RPS6KA1: variants seen among roughly 807,000 people sequenced by gnomAD.
The protein encoded by RPS6KA1 is ribosomal protein S6 kinase A1.
RPS6KA1 carries 48 observed loss-of-function variants against 91.3 expected under a neutral mutation model. The ratio of observed to expected loss-of-function variants is 0.53; its 90% CI spans 0.42 to 0.67. The LOEUF is 0.67. Ranked by LOEUF, RPS6KA1 falls within the 30% of genes least tolerant of loss-of-function variation. The pLI, the probability that RPS6KA1 is intolerant of heterozygous loss-of-function variation, is 0.00. For missense variants in RPS6KA1, 719 were observed against 960.5 expected (o/e 0.75, Z 3.32); for synonymous variants, 359 against 384.7 (o/e 0.93, Z 0.78).
At chr1:26,548,670 A>G (rs1570434318) in intron 4 of RPS6KA1, among the ~76,000 whole-genome samples, 1 of 152,048 alleles carries the variant, frequency 6.6e-6, no homozygotes, top group Non-Finnish European at 1.5e-5. Flanking sequence ...GCTGGTATGC[A>G]CACCTATAGT....
intron 12 of RPS6KA1, 33 bp from the exon 13 acceptor site, chr1:26,556,965 C>T (rs773272651): frequency 6.5e-7 from 1 of 1,534,948 alleles, no homozygotes; most frequent in Non-Finnish European, 9.0e-7. Context: ...TTGAGGATGC[C>T]ATGGTGACCA....
At position 26,545,034 on chromosome 1, in the gene RPS6KA1, C is replaced by T. The variant is rs531622152; in HGVS notation, c.109-1833C>T. 4.6e-5 allele frequency among the ~76,000 whole-genome samples: 7 copies of T among 152,048 alleles called. No individual in the cohort carries two copies. In the East Asian group the frequency reaches 7.7e-4, roughly 17 times the overall value. ...CCCTCCTGCTTCCCCTTGTCAGGTA[C>T]GTGTCTCCATCTGTTTTCTATTGGA... On this transcript the variant is annotated intron_variant, in intron 2 of 21. Transcript: ENST00000374168.
Position 26,557,052 on chromosome 1 carries a change from G to T in RPS6KA1, c.1036G>T (p.Asp346Tyr). The change falls in exon 13 of 22, where the codon GAT (aspartate) becomes TAT (tyrosine). Residue 346 changes from aspartate (D) to tyrosine (Y), a missense_variant. By Grantham distance (160) the Asp-to-Tyr change is radical (BLOSUM62 -3). Coordinates refer to ENST00000374168, the MANE Select transcript of RPS6KA1 (RefSeq NM_002953.4). Reference protein sequence around the residue: ...PPFKPAVAQPDDTFYFDTEFT... With the variant: ...PPFKPAVAQPYDTFYFDTEFT... ...CTTCAAGCCAGCAGTGGCTCAGCCT[G>T]ATGACACCTTCTACTTTGACACCGA... 6.2e-7 allele frequency: 1 copy of T among 1,614,108 alleles called. No individual in the cohort carries two copies. The highest frequency in any genetic ancestry group is 8.5e-7 in the Non-Finnish European group (1 of 1,180,004).
At chr1:26,537,207 C>T (rs1425498073) in intron 2 of RPS6KA1, among the ~76,000 whole-genome samples, 1 of 152,240 alleles carries the variant, frequency 6.6e-6, no homozygotes, top group Non-Finnish European at 1.5e-5. Flanking sequence ...CAGGTCAGGG[C>T]TCTGGTTACC....
chr1:26,538,356 A>G (rs17162183), intron 2 of RPS6KA1, among the ~76,000 whole-genome samples: 1,896 of 152,322 alleles, frequency 0.012, 39 homozygotes, highest in African/African-American at 0.043. Context: ...AGGAGCTTGC[A>G]GCATTTAGGG....
Position 26,553,269 on chromosome 1 carries a change from C to T in RPS6KA1, c.469-122C>T, listed in dbSNP as rs542917614. ...TTTGTATGATGAGAAGGCTATATGG[C>T]CTGGGGTTTCCAAGGGTCCTCCCAG... On this transcript the variant is annotated intron_variant, in intron 6 of 21. Transcript: ENST00000374168. 55 of 649,592 alleles carry T rather than the reference C, an allele frequency of 8.5e-5. No homozygotes were observed. In the East Asian group the frequency reaches 1.1e-3, roughly 13 times the overall value. 40.2% of individuals were successfully genotyped at this position (649,592 alleles called of 1,614,324 possible). A position where few individuals can be genotyped will look rare whatever the true frequency, so the allele number is the denominator to read the frequency against.
intron 20 of RPS6KA1, among the ~76,000 whole-genome samples, chr1:26,572,705 CGGA>C (rs1289533339): frequency 6.6e-6 from 1 of 152,158 alleles, no homozygotes; most frequent in Admixed American, 6.5e-5. Context: ...AGAGCCTCCT[CGGA>C]GGAAGTAGCA....
rs1445704408 is a variant in RPS6KA1, at chr1:26,561,850, T to C, written c.1590+187T>C. Among the ~76,000 whole-genome samples, 2 of 151,840 alleles carry C rather than the reference T, an allele frequency of 1.3e-5. No individual in the cohort carries two copies. The highest frequency in any genetic ancestry group is 2.9e-5 in the Non-Finnish European group (2 of 67,968). Reference sequence around the variant, plus strand: ...ATGTGGCCAATTGTGAAAGGGAAGGTATGGAAAGTTATTCAGTATCTACTG... The same window carrying C: ...ATGTGGCCAATTGTGAAAGGGAAGGCATGGAAAGTTATTCAGTATCTACTG... On this transcript the variant is annotated intron_variant, in intron 17 of 21. Coordinates refer to ENST00000374168, the MANE Select transcript of RPS6KA1 (RefSeq NM_002953.4). This position sits in a 1 kb window ranked among gnomAD's most constrained non-coding sequence, Gnocchi z 5.7.
chr1:26,552,591 A>G (rs1402834070), intron 6 of RPS6KA1, among the ~76,000 whole-genome samples: 1 of 149,996 alleles, frequency 6.7e-6, no homozygotes, highest in African/African-American at 2.5e-5. Context: ...GGTTCAAGCA[A>G]TTCTCCTGCC....
chr1:26,561,934 AGCTCAC>A lies in RPS6KA1; in HGVS notation c.1590+274_1590+279del, dbSNP rs1489564591. 2.0e-5 allele frequency among the ~76,000 whole-genome samples: 3 copies of A among 152,086 alleles called. No homozygotes were observed. Among genetic ancestry groups the A allele is most frequent in the Non-Finnish European group, 4.4e-5 (3 of 67,994 alleles). On this transcript the variant is annotated intron_variant, in intron 17 of 21. Coordinates refer to ENST00000374168, the MANE Select transcript of RPS6KA1 (RefSeq NM_002953.4). This position sits in a 1 kb window ranked among gnomAD's most constrained non-coding sequence, Gnocchi z 5.7. ...ATGAAGTTTCCAGACCAGGCATGGT[AGCTCAC>A]GCCTGTAATCCCAGCAACTTGGGAG...
chr1:26,561,139 G>A lies in RPS6KA1; in HGVS notation c.1431+5G>A. ...AACATCATCACTCTGAAAGATGTGA[G>A]TGGGGGTCCTTAAGACTGGGGTGGG... On this transcript the variant is annotated splice_donor_5th_base_variant and intron_variant, in intron 16 of 21. Transcript: ENST00000374168. This position sits in a 1 kb window ranked among gnomAD's most constrained non-coding sequence, Gnocchi z 5.7. 1.2e-6 allele frequency: 2 copies of A among 1,612,278 alleles called. No homozygotes were observed. Among genetic ancestry groups the A allele is most frequent in the Non-Finnish European group, 8.5e-7 (1 of 1,178,384 alleles).
intron 1 of RPS6KA1, 68 bp from the exon 2 acceptor site, chr1:26,536,857 C>T: frequency 6.3e-7 from 1 of 1,581,384 alleles, no homozygotes; most frequent in Non-Finnish European, 8.7e-7. Context: ...TGGGGGTGCC[C>T]CACAGAGTCT....
chr1:26,559,603 C>G (rs2076136945), intron 14 of RPS6KA1, among the ~76,000 whole-genome samples: 1 of 148,530 alleles, frequency 6.7e-6, no homozygotes, highest in Non-Finnish European at 1.5e-5. Flanking sequence ...TGGTGTCAAA[C>G]TCCTGACCTC....
intron 17 of RPS6KA1, among the ~76,000 whole-genome samples, chr1:26,564,686 G>A (rs907389552): frequency 6.6e-6 from 1 of 152,152 alleles, no homozygotes; most frequent in Non-Finnish European, 1.5e-5. Flanking sequence ...TGTGAAAGTG[G>A]CGATGCCTGA....
intron 21 of RPS6KA1, 126 bp downstream of exon 21, chr1:26,573,487 G>C: frequency 8.9e-7 from 1 of 1,117,560 alleles, no homozygotes; most frequent in South Asian, 1.4e-5. Context: ...CATAGGAGAA[G>C]AAGACACAGC....
At chr1:26,566,669 C>G (rs1255491181) in intron 17 of RPS6KA1, among the ~76,000 whole-genome samples, 1 of 152,180 alleles carries the variant, frequency 6.6e-6, no homozygotes, top group Non-Finnish European at 1.5e-5. Flanking sequence ...TGGACAGCCT[C>G]TTTTATGAAA....
rs41286645 is a variant in RPS6KA1 at position 26,554,092 on chromosome 1, C to A, written c.576-122C>A. ...TACCACCCTGCAACACCCGCCCAGT[C>A]ATCAGAGAGAATTGGGTGGAGCACC... On this transcript the variant is annotated intron_variant, in intron 7 of 21. Transcript: ENST00000374168. The surrounding 1 kb of genome is among the most constrained non-coding windows in gnomAD (Gnocchi z 4.6). 9.2e-3 allele frequency: 9,093 copies of A among 992,692 alleles called. 60 individuals are homozygous for A. The highest frequency in any genetic ancestry group is 0.012 in the Non-Finnish European group (8,014 of 673,794). 61.5% of individuals were successfully genotyped at this position (992,692 alleles called of 1,614,324 possible). A position where few individuals can be genotyped will look rare whatever the true frequency, so the allele number is the denominator to read the frequency against.
chr1:26,536,797 A>G (rs1052997945), intron 1 of RPS6KA1, 128 bp from the exon 2 acceptor site: 1 of 999,780 alleles, frequency 1.0e-6, no homozygotes, highest in Non-Finnish European at 1.6e-6. Flanking sequence ...CCCACCCAGG[A>G]CTCCTGCCCT....
chr1:26,536,429 C>T (rs964544518), intron 1 of RPS6KA1, among the ~76,000 whole-genome samples: 4 of 152,318 alleles, frequency 2.6e-5, no homozygotes, highest in Middle Eastern at 3.4e-3. Flanking sequence ...GCAAGGATAG[C>T]CACCATCTCT....
Sources: allele counts gnomAD v4.1 joint callset (sites outside exome capture counted in the v4.1 genomes callset), GRCh38; gene constraint gnomAD v4.1.1; non-coding constraint Gnocchi (gnomAD v3.1); transcripts MANE v1.5; gene names NCBI Gene and HGNC (gene_info 2026-07-23, HGNC 2026-07-21).